The following BICD1 variants were observed in gnomAD, a reference collection of about 807,000 sequenced individuals.
BICD1 encodes the protein BICD cargo adaptor 1.
A neutral mutation model predicts 92.5 loss-of-function variants in BICD1; 35 were observed. The ratio of observed to expected loss-of-function variants is 0.38; its 90% CI spans 0.29 to 0.50. The LOEUF is 0.50. Among genes scored for constraint, BICD1 ranks in the 20% least tolerant of loss-of-function variants. BICD1 has a pLI of 0.93. For synonymous variants in BICD1, 429 were observed against 465.1 expected (o/e 0.92, Z 1.00); for missense variants, 950 against 1,189.8 (o/e 0.80, Z 2.97).
At position 32,288,740 on chromosome 12, in the gene BICD1, C is replaced by T. The variant is rs112458574; in HGVS notation, c.427-5254C>T. 4.9e-3 allele frequency among the ~76,000 whole-genome samples: 750 copies of T among 151,946 alleles called. 5 individuals carry two copies. Among genetic ancestry groups the T allele is most frequent in the African/African-American group, 0.017 (709 of 41,412 alleles). ...AATTAGCCAGGTGTGGTAGCAGGCA[C>T]CTGTAATCCCAGCTACTTGGGAGAC... On this transcript the variant is annotated intron_variant, in intron 2 of 9. Coordinates refer to ENST00000652176, the MANE Select transcript of BICD1 (RefSeq NM_001714.4).
In BICD1 at chr12:32,198,003, C is replaced by G. The variant is rs1354695390; in HGVS notation, c.214-18244C>G. Among the ~76,000 whole-genome samples the G allele has an allele frequency of 3.3e-5, 5 of 151,718 alleles. No homozygotes were observed. In the East Asian group the frequency reaches 9.7e-4, roughly 29 times the overall value. On this transcript the variant is annotated intron_variant, in intron 1 of 9. Transcript: ENST00000652176. ...GGTGGATCACCTGAAGTGGGGAGTT[C>G]GAGACCAGCCTGACCAATATGGAGA... is the stretch of plus-strand genomic sequence containing the variant.
At chr12:32,305,550 T>C (rs1948188835) in intron 3 of BICD1, 147 bp from the exon 4 acceptor site, 1 of 601,902 alleles carries the variant, frequency 1.7e-6, no homozygotes, top group African/African-American at 1.8e-5. Flanking sequence ...TATATAACTT[T>C]AAGGATATAT....
chr12:32,148,736 G>A (rs1464941451), intron 1 of BICD1, among the ~76,000 whole-genome samples: 2 of 152,096 alleles, frequency 1.3e-5, no homozygotes, highest in Non-Finnish European at 2.9e-5. Flanking sequence ...AGACTGTAAT[G>A]TTGCCGGGGA....
At chr12:32,213,117 C>T (rs931795893) in intron 1 of BICD1, among the ~76,000 whole-genome samples, 1 of 152,090 alleles carries the variant, frequency 6.6e-6, no homozygotes, top group South Asian at 2.1e-4. Flanking sequence ...TTCAGTTTGC[C>T]GATTGTCCTA....
chr12:32,246,637 CA>C (rs949341934), intron 2 of BICD1, among the ~76,000 whole-genome samples: 4 of 151,642 alleles, frequency 2.6e-5, no homozygotes, highest in Non-Finnish European at 5.9e-5. Flanking sequence ...GACCTTGTCT[CA>C]AAAAAAATCA....
intron 8 of BICD1, among the ~76,000 whole-genome samples, chr12:32,346,620 ATATATATATATATACGTG>A (rs1473987294): frequency 0.015 from 272 of 18,348 alleles, 37 homozygotes; most frequent in Admixed American, 0.04. Context: ...ATACGTGTAT[ATATATATATATATACGTG>A]TATATATATA....
chr12:32,108,623 T>C (rs1054075673), intron 1 of BICD1: 3 of 679,922 alleles, frequency 4.4e-6, no homozygotes, highest in Non-Finnish European at 8.0e-6. Context: ...AAAAATCTAT[T>C]ATTTATTTTA....
At chr12:32,227,355 A>T (rs1945733396) in intron 2 of BICD1, 1 of 152,328 alleles carries the variant, frequency 6.6e-6, no homozygotes, top group Admixed American at 6.5e-5. Flanking sequence ...GAGGGGTAAG[A>T]ATGGGCAAAG....
chr12:32,139,633 G>GCT (rs1175264928), intron 1 of BICD1, among the ~76,000 whole-genome samples: 2 of 152,172 alleles, frequency 1.3e-5, no homozygotes, highest in Non-Finnish European at 2.9e-5. Flanking sequence ...TGCAATCTCG[G>GCT]CTCACTGCAA....
intron 1 of BICD1, among the ~76,000 whole-genome samples, chr12:32,185,431 A>T (rs1204972171): frequency 2.0e-5 from 3 of 152,364 alleles, no homozygotes; most frequent in South Asian, 4.1e-4. Context: ...CATGCTGTAC[A>T]TTCATTGCAG....
chr12:32,114,175 T>A (rs1941806194), intron 1 of BICD1, among the ~76,000 whole-genome samples: 1 of 151,878 alleles, frequency 6.6e-6, no homozygotes, highest in East Asian at 1.9e-4. Flanking sequence ...CCAGCCTAAT[T>A]TTTGTACTTT....
intron 2 of BICD1, among the ~76,000 whole-genome samples, chr12:32,264,495 A>ATTTTTTTT (rs553447535): frequency 6.6e-6 from 1 of 150,786 alleles, no homozygotes; most frequent in Admixed American, 6.6e-5. Context: ...ATTAAATAGA[A>ATTTTTTTT]TTTTTTTTTT....
At position 32,313,403 on chromosome 12, in the gene BICD1, G is replaced by T. The variant is rs192958822; in HGVS notation, c.1005+7281G>T. Among the ~76,000 whole-genome samples the T allele has an allele frequency of 3.3e-5, 5 of 152,268 alleles. No homozygotes were observed. The East Asian group carries it at 9.6e-4, about 29-fold the overall frequency. On this transcript the variant is annotated intron_variant, in intron 4 of 9. Coordinates refer to ENST00000652176, the MANE Select transcript of BICD1 (RefSeq NM_001714.4). The surrounding 1 kb of genome is among the most constrained non-coding windows in gnomAD (Gnocchi z 4.2). ...GCTTATAACAACTGTATGGGGTAGA[G>T]AGTATTATTATCTTCATATTATAGA...
At chr12:32,341,589 T>C (rs926365730) in intron 8 of BICD1, among the ~76,000 whole-genome samples, 1 of 152,124 alleles carries the variant, frequency 6.6e-6, no homozygotes, top group Non-Finnish European at 1.5e-5. Flanking sequence ...TTATGTAAAG[T>C]TAAAATAATA....
chr12:32,153,502 A>T (rs1592383599), intron 1 of BICD1, among the ~76,000 whole-genome samples: 1 of 152,200 alleles, frequency 6.6e-6, no homozygotes, highest in South Asian at 2.1e-4. Flanking sequence ...CAAGAACATT[A>T]AATCAGTTAA....
intron 2 of BICD1, among the ~76,000 whole-genome samples, chr12:32,262,382 T>C (rs1457045240): frequency 6.6e-6 from 1 of 152,100 alleles, no homozygotes; most frequent in Non-Finnish European, 1.5e-5. Context: ...TACTAGCAAG[T>C]CCCTCCCTGA....
At position 32,252,115 on chromosome 12, in the gene BICD1, T is replaced by TTATATATTTATTATAAATATATAA. The variant is rs1565619532; in HGVS notation, c.426+35667_426+35668insTATAAATATATAATATATATTTAT. ...ATATATTTATAATAAATATTATATATTATATATTTATAATAAATATTATAT... is the reference window on the plus strand; with the variant it reads ...ATATATTTATAATAAATATTATATATTATATATTTATTATAAATATATAATATATATTTATAATAAATATTATAT... On this transcript the variant is annotated intron_variant, in intron 2 of 9. Transcript: ENST00000652176. Among the ~76,000 whole-genome samples the TTATATATTTATTATAAATATATAA allele has an allele frequency of 3.1e-4, 20 of 64,448 alleles. 2 individuals carry two copies. The highest frequency in any genetic ancestry group is 5.5e-4 in the Non-Finnish European group (17 of 30,886). The allele number at this position is 64,448 out of a possible 152,430, so 42.3% of individuals were successfully genotyped here. A position where few individuals can be genotyped will look rare whatever the true frequency, so the allele number is the denominator to read the frequency against.
At chr12:32,262,470 G>T (rs1946884080) in intron 2 of BICD1, among the ~76,000 whole-genome samples, 1 of 152,052 alleles carries the variant, frequency 6.6e-6, no homozygotes, top group African/African-American at 2.4e-5. Flanking sequence ...AATAAATAAG[G>T]TGAGTATAGT....
intron 7 of BICD1, 53 bp from the exon 8 acceptor site, chr12:32,338,723 AAAAGGTAATT>A: frequency 7.3e-7 from 1 of 1,378,712 alleles, no homozygotes; most frequent in Non-Finnish European, 9.9e-7. Flanking sequence ...GTGAGGCGTT[AAAAGGTAATT>A]AAAGTAAAAC....
Sources: gnomAD v4.1 joint callset for allele counts (sites outside exome capture counted in the v4.1 genomes callset) on GRCh38, gnomAD v4.1.1 for gene constraint, Gnocchi (gnomAD v3.1) non-coding constraint, MANE v1.5 for transcripts, NCBI Gene and HGNC (gene_info 2026-07-23, HGNC 2026-07-21) for gene names.